RTN1: variants seen among roughly 807,000 people sequenced by gnomAD.
RTN1 encodes the protein reticulon-1.
Under a neutral mutation model 65.5 loss-of-function variants are expected in RTN1, and 25 were observed. The observed-to-expected ratio is 0.38, with a 90% confidence interval of 0.28 to 0.53. The LOEUF is 0.53. RTN1 is among the 20% of genes least tolerant of loss of function. RTN1 has a pLI of 0.79. For synonymous variants in RTN1, 471 were observed against 447.6 expected (o/e 1.05, Z -0.66); for missense variants, 983 against 1,025.4 (o/e 0.96, Z 0.57).
At chr14:59,712,064 T>C (rs1884431665) in intron 3 of RTN1, among the ~76,000 whole-genome samples, 1 of 152,134 alleles carries the variant, frequency 6.6e-6, no homozygotes, top group African/African-American at 2.4e-5. Flanking sequence ...AAGGAAAGCC[T>C]CCACCAAATA....
intron 3 of RTN1, among the ~76,000 whole-genome samples, chr14:59,638,260 CATT>C (rs1385971080): frequency 6.6e-6 from 1 of 152,170 alleles, no homozygotes; most frequent in African/African-American, 2.4e-5. Context: ...TTTCCTTGCA[CATT>C]TCTATTAGAG....
chr14:59,844,152 C>A (rs777463012), intron 1 of RTN1, among the ~76,000 whole-genome samples: 6 of 152,180 alleles, frequency 3.9e-5, no homozygotes, highest in Non-Finnish European at 8.8e-5. Flanking sequence ...CTTATAAACA[C>A]AGCCTCGGGT....
intron 1 of RTN1, among the ~76,000 whole-genome samples, chr14:59,862,858 T>C (rs1887734557): frequency 1.3e-5 from 2 of 152,120 alleles, no homozygotes; most frequent in Admixed American, 1.3e-4. Flanking sequence ...CCTTCTCCCC[T>C]CTTCTCAAAC....
At chr14:59,723,490 G>T (rs555413596) in intron 3 of RTN1, among the ~76,000 whole-genome samples, 1 of 151,788 alleles carries the variant, frequency 6.6e-6, no homozygotes, top group Non-Finnish European at 1.5e-5. Flanking sequence ...GGTGGTGGGC[G>T]CCTGTAGTCC....
At chr14:59,653,315 A>G (rs536697110) in intron 3 of RTN1, among the ~76,000 whole-genome samples, 1 of 152,332 alleles carries the variant, frequency 6.6e-6, no homozygotes, top group East Asian at 1.9e-4. Context: ...CCAGAAAATT[A>G]TCTAAAACTG....
At chr14:59,718,748 G>T (rs1297083840) in intron 3 of RTN1, among the ~76,000 whole-genome samples, 1 of 152,208 alleles carries the variant, frequency 6.6e-6, no homozygotes, top group East Asian at 1.9e-4. Context: ...CGAGTTCAAT[G>T]ACTAATGAAG....
In RTN1 at chr14:59,870,375, C is replaced by T; in HGVS notation, c.241+15G>A. On this transcript the variant is annotated intron_variant, in intron 1 of 8. Coordinates refer to ENST00000267484, the MANE Select transcript of RTN1 (RefSeq NM_021136.3). This position sits in a 1 kb window ranked among gnomAD's most constrained non-coding sequence, Gnocchi z 5.1. ...GTCCCCGACGCCATTTGAGGGGCAGCGGCGCCCGCCTTACCTGTGGATGCA... is the reference window on the plus strand; with the variant it reads ...GTCCCCGACGCCATTTGAGGGGCAGTGGCGCCCGCCTTACCTGTGGATGCA... 3.4e-6 allele frequency: 5 copies of T among 1,491,644 alleles called. No homozygotes were observed. The highest frequency in any genetic ancestry group is 3.5e-6 in the Non-Finnish European group (4 of 1,131,092). The allele number at this position is 1,491,644 out of a possible 1,614,324, so 92.4% of individuals were successfully genotyped here. A position where few individuals can be genotyped will look rare whatever the true frequency, so the allele number is the denominator to read the frequency against.
chr14:59,618,413 A>C (rs191143276), intron 3 of RTN1, among the ~76,000 whole-genome samples: 1 of 152,172 alleles, frequency 6.6e-6, no homozygotes, highest in Non-Finnish European at 1.5e-5. Flanking sequence ...GAACTGACTG[A>C]GCACAAGAAG....
chr14:59,826,738 T>C (rs909898248), intron 1 of RTN1, among the ~76,000 whole-genome samples: 1 of 152,218 alleles, frequency 6.6e-6, no homozygotes. Context: ...CAAATGTTTA[T>C]TGAGTACCTA....
chr14:59,869,621 G>T (rs1370040934), intron 1 of RTN1, among the ~76,000 whole-genome samples: 1 of 148,196 alleles, frequency 6.7e-6, no homozygotes, highest in Non-Finnish European at 1.5e-5. Context: ...ACTGTACCAC[G>T]TCCACTCACC....
At chr14:59,802,904 T>C (rs906457242) in intron 1 of RTN1, among the ~76,000 whole-genome samples, 8 of 151,844 alleles carry the variant, frequency 5.3e-5, no homozygotes, top group African/African-American at 1.9e-4. Context: ...AAGGTAACAA[T>C]AAAATGTAAA....
At chr14:59,641,884 A>C (rs886096331) in intron 3 of RTN1, among the ~76,000 whole-genome samples, 2 of 152,202 alleles carry the variant, frequency 1.3e-5, no homozygotes, top group African/African-American at 4.8e-5. Context: ...TTTGTTGTAA[A>C]AAAATTAATA....
chr14:59,763,531 CTTTTTT>C (rs567181046), intron 1 of RTN1, among the ~76,000 whole-genome samples: 1 of 127,392 alleles, frequency 7.8e-6, no homozygotes, highest in Non-Finnish European at 1.6e-5. Flanking sequence ...AATTTTCTTT[CTTTTTT>C]TTTTTTTTTT....
rs569112352 is a variant in RTN1, at chr14:59,636,122, T to G, written c.1766-28630A>C. ...AAATACATAGTTGAAATAGGAAAGT[T>G]TAAAGTAGAAATGGAAAATGCTATA... On this transcript the variant is annotated intron_variant, in intron 3 of 8. Coordinates refer to ENST00000267484, the MANE Select transcript of RTN1 (RefSeq NM_021136.3). 5.3e-5 allele frequency among the ~76,000 whole-genome samples: 8 copies of G among 152,228 alleles called. No homozygotes were observed. The East Asian group carries it at 1.5e-3, about 29-fold the overall frequency.
rs184798040 is a variant in RTN1 at position 59,800,855 on chromosome 14, T to C, written c.242-54374A>G. Among the ~76,000 whole-genome samples the C allele has an allele frequency of 6.6e-5, 10 of 151,214 alleles. No homozygotes were observed. In the East Asian group the frequency reaches 1.9e-3, roughly 29 times the overall value. On this transcript the variant is annotated intron_variant, in intron 1 of 8. Coordinates refer to ENST00000267484, the MANE Select transcript of RTN1 (RefSeq NM_021136.3). ...ATATAATAAAAGATCTAGAAGAAAATATAAAAGATTAATGAACAGAAAGGA... is the reference window on the plus strand; with the variant it reads ...ATATAATAAAAGATCTAGAAGAAAACATAAAAGATTAATGAACAGAAAGGA...
At chr14:59,775,022 C>T (rs539016307) in intron 1 of RTN1, among the ~76,000 whole-genome samples, 2 of 152,278 alleles carry the variant, frequency 1.3e-5, no homozygotes, top group African/African-American at 2.4e-5. Context: ...CACTCTGCCA[C>T]ATTATAAGGT....
intron 1 of RTN1, among the ~76,000 whole-genome samples, chr14:59,824,866 G>C (rs1887003319): frequency 6.6e-6 from 1 of 152,172 alleles, no homozygotes; most frequent in African/African-American, 2.4e-5. Context: ...AGAGCATTAT[G>C]CTAAGTGAAA....
At chr14:59,848,545 G>A (rs1180792808) in intron 1 of RTN1, among the ~76,000 whole-genome samples, 1 of 152,046 alleles carries the variant, frequency 6.6e-6, no homozygotes, top group Non-Finnish European at 1.5e-5. Flanking sequence ...ATATAAATAG[G>A]AGCAAGAATT....
chr14:59,670,746 T>C (rs1566679864), intron 3 of RTN1, among the ~76,000 whole-genome samples: 1 of 152,182 alleles, frequency 6.6e-6, no homozygotes, highest in African/African-American at 2.4e-5. Context: ...TAAGTGTTAA[T>C]ATAGTAACTC....
Sources: allele counts gnomAD v4.1 joint callset (sites outside exome capture counted in the v4.1 genomes callset), GRCh38; gene constraint gnomAD v4.1.1; non-coding constraint Gnocchi (gnomAD v3.1); transcripts MANE v1.5; gene names NCBI Gene and HGNC (gene_info 2026-07-23, HGNC 2026-07-21).